MARCHF1: variants seen among roughly 807,000 people sequenced by gnomAD.
MARCHF1 encodes E3 ubiquitin-protein ligase MARCHF1.
A neutral mutation model predicts 54.2 loss-of-function variants in MARCHF1; 40 were observed. The ratio of observed to expected loss-of-function variants is 0.74; its 90% confidence interval spans 0.57 to 0.96. MARCHF1 has a LOEUF of 0.96. Ranked by LOEUF, MARCHF1 falls within the 40% of genes least tolerant of loss-of-function variation. The probability of loss-of-function intolerance (pLI) is 0.00; values close to 1 mark genes in which losing one functional copy is unlikely to be tolerated. For synonymous variants in MARCHF1, 236 were observed against 236.3 expected, an observed-to-expected ratio of 1.00 and a Z score of 0.01; for missense variants, 586 against 656.5, an observed-to-expected ratio of 0.89 and a Z score of 1.17.
intron 1 of MARCHF1, among the ~76,000 whole-genome samples, chr4:164,207,898 A>G (rs1035961106): frequency 6.6e-6 from 1 of 152,188 alleles, no homozygotes; most frequent in African/African-American, 2.4e-5. Context: ...TGATGAAATA[A>G]TCTGTACAAC....
At chr4:164,230,748 A>C (rs964668566) in intron 1 of MARCHF1, among the ~76,000 whole-genome samples, 1 of 152,070 alleles carries the variant, frequency 6.6e-6, no homozygotes, top group Non-Finnish European at 1.5e-5. Context: ...GCCACTCCTG[A>C]GTTGTTTTGA....
chr4:164,050,440 GT>G (rs1247178503), intron 2 of MARCHF1, among the ~76,000 whole-genome samples: 1 of 151,908 alleles, frequency 6.6e-6, no homozygotes, highest in African/African-American at 2.4e-5. Flanking sequence ...CAGATCTTGT[GT>G]CTTGTGAGTT....
intron 8 of MARCHF1, among the ~76,000 whole-genome samples, chr4:163,569,627 G>A (rs1739775080): frequency 6.6e-6 from 1 of 152,076 alleles, no homozygotes; most frequent in Admixed American, 6.6e-5. Flanking sequence ...TGGAGGAATA[G>A]CTTATCCAAC....
intron 4 of MARCHF1, among the ~76,000 whole-genome samples, chr4:163,777,309 T>C (rs1747334864): frequency 6.6e-6 from 1 of 152,184 alleles, no homozygotes; most frequent in Non-Finnish European, 1.5e-5. Flanking sequence ...TCATTTTCTT[T>C]TTGTGATGAA....
At chr4:164,335,858 T>C (rs1407036673) in intron 1 of MARCHF1, among the ~76,000 whole-genome samples, 1 of 152,174 alleles carries the variant, frequency 6.6e-6, no homozygotes, top group Non-Finnish European at 1.5e-5. Flanking sequence ...ACTCACTTTA[T>C]TGGGATATTT....
intron 3 of MARCHF1, among the ~76,000 whole-genome samples, chr4:163,859,365 CTTTTTTT>C: frequency 7.7e-6 from 1 of 130,198 alleles, no homozygotes; most frequent in East Asian, 2.2e-4. Flanking sequence ...GAGAGAAAAG[CTTTTTTT>C]TTTTTTTTTT....
Position 163,824,295 on chromosome 4 carries a change from T to C in MARCHF1, c.111+29726A>G, listed in dbSNP as rs189998079. Reference sequence around the variant, plus strand: ...CAAATCTGGTGCCAAAACAGAGATATAGATCAATGGAACAGAACAGAGCCC... The same window carrying C: ...CAAATCTGGTGCCAAAACAGAGATACAGATCAATGGAACAGAACAGAGCCC... On this transcript the variant is annotated intron_variant, in intron 4 of 9. Transcript: ENST00000514618. 5.2e-3 allele frequency among the ~76,000 whole-genome samples: 792 copies of C among 152,056 alleles called. 6 individuals are homozygous for C. The highest frequency in any genetic ancestry group is 0.018 in the African/African-American group (756 of 41,512).
At chr4:163,818,943 A>G (rs979601327) in intron 4 of MARCHF1, among the ~76,000 whole-genome samples, 1 of 152,054 alleles carries the variant, frequency 6.6e-6, no homozygotes, top group Non-Finnish European at 1.5e-5. Flanking sequence ...CTTGTCTTTC[A>G]CTGAAGATTC....
intron 8 of MARCHF1, among the ~76,000 whole-genome samples, chr4:163,567,318 GA>G (rs1193445209): frequency 6.6e-6 from 1 of 152,106 alleles, no homozygotes; most frequent in Non-Finnish European, 1.5e-5. Flanking sequence ...CAGAATGATT[GA>G]AAAATGTGTT....
chr4:164,314,140 T>A (rs1734938103), intron 1 of MARCHF1, among the ~76,000 whole-genome samples: 1 of 152,248 alleles, frequency 6.6e-6, no homozygotes, highest in Non-Finnish European at 1.5e-5. Context: ...TTGTCTTCTC[T>A]GCTTTGTGTC....
In MARCHF1 at chr4:164,325,140, T is replaced by A. The variant is rs537891183; in HGVS notation, c.-323+58730A>T. Among the ~76,000 whole-genome samples, 356 of 151,892 alleles carry A rather than the reference T, an allele frequency of 2.3e-3. 1 individual carries two copies. The highest frequency in any genetic ancestry group is 8.4e-3 in the African/African-American group (347 of 41,516). ...TGGAAATAAATAAGTCTATATTAAA[T>A]GTATATGTGTGCATACTATATGTAT... On this transcript the variant is annotated intron_variant, in intron 1 of 9. Coordinates refer to ENST00000514618, the MANE Select transcript of MARCHF1 (RefSeq NM_001394959.1).
At position 164,140,641 on chromosome 4, in the gene MARCHF1, C is replaced by T. The variant is rs186931530; in HGVS notation, c.-322-28979G>A. On this transcript the variant is annotated intron_variant, in intron 1 of 9. Transcript: ENST00000514618. ...GACTGATCTGCCAGCTCCTCGGCTA[C>T]AGCACCCAACTAAAGTCTTCTTCCT... Among the ~76,000 whole-genome samples, 13 of 152,266 alleles carry T rather than the reference C, an allele frequency of 8.5e-5. No individual in the cohort carries two copies. In the East Asian group the frequency reaches 2.3e-3, roughly 27 times the overall value.
chr4:164,256,876 CTGAT>C (rs929744789), intron 1 of MARCHF1, among the ~76,000 whole-genome samples: 6 of 152,106 alleles, frequency 3.9e-5, no homozygotes, highest in African/African-American at 1.2e-4. Flanking sequence ...TACCATATCA[CTGAT>C]TAATTCTATT....
At chr4:163,841,715 A>G (rs1030472685) in intron 4 of MARCHF1, among the ~76,000 whole-genome samples, 12 of 152,126 alleles carry the variant, frequency 7.9e-5, no homozygotes, top group African/African-American at 2.7e-4. Flanking sequence ...TTGCAGTCTC[A>G]TTGCAATATG....
chr4:164,176,324 C>A (rs555411483), intron 1 of MARCHF1, among the ~76,000 whole-genome samples: 22 of 152,090 alleles, frequency 1.4e-4, no homozygotes, highest in Non-Finnish European at 2.6e-4. Flanking sequence ...GCTTGCCACA[C>A]GCACAGACAT....
At chr4:163,605,982 C>A (rs940003392) in intron 7 of MARCHF1, among the ~76,000 whole-genome samples, 1 of 152,090 alleles carries the variant, frequency 6.6e-6, no homozygotes, top group Non-Finnish European at 1.5e-5. Flanking sequence ...GTGCAGCAAA[C>A]CACCATGGCA....
intron 1 of MARCHF1, among the ~76,000 whole-genome samples, chr4:164,290,440 G>A (rs1346618685): frequency 1.3e-5 from 2 of 151,894 alleles, no homozygotes; most frequent in Non-Finnish European, 2.9e-5. Flanking sequence ...CTTGTATTCA[G>A]AAGCATTCCT....
In MARCHF1 at chr4:164,317,815, G is replaced by T. The variant is rs542900182; in HGVS notation, c.-323+66055C>A. Among the ~76,000 whole-genome samples, 7 of 152,284 alleles carry T rather than the reference G, an allele frequency of 4.6e-5. No homozygotes were observed. In the East Asian group the frequency reaches 1.4e-3, roughly 29 times the overall value. ...GTGGGTAAACTGTGGATCAATGGAG[G>T]AGTAGCTTTGTACAGGCTGAGGGCC... is the stretch of plus-strand genomic sequence containing the variant. On this transcript the variant is annotated intron_variant, in intron 1 of 9. Transcript: ENST00000514618.
intron 9 of MARCHF1, among the ~76,000 whole-genome samples, chr4:163,544,158 A>G (rs1349553305): frequency 6.6e-6 from 1 of 152,164 alleles, no homozygotes; most frequent in Non-Finnish European, 1.5e-5. Flanking sequence ...ACCTATATCA[A>G]GAGAGGACAT....
Sources: gnomAD v4.1 joint callset for allele counts (sites outside exome capture counted in the v4.1 genomes callset) on GRCh38, gnomAD v4.1.1 for gene constraint, MANE v1.5 for transcripts, NCBI Gene and HGNC (gene_info 2026-07-23, HGNC 2026-07-21) for gene names.